Variants in DDHD2 observed in about 807,000 individuals in gnomAD.
DDHD2 encodes DDHD domain containing 2, also known as triacylglycerol hydrolase DDHD2.
Under a neutral mutation model 91.2 loss-of-function variants are expected in DDHD2, and 62 were observed. The observed-to-expected ratio is 0.68, with a 90% CI of 0.55 to 0.84. DDHD2 has a LOEUF of 0.84. Ranked by LOEUF, DDHD2 falls within the 40% of genes least tolerant of loss-of-function variation. The pLI is 0.00. For synonymous variants in DDHD2, 271 were observed against 293.9 expected, an observed-to-expected ratio of 0.92 and a Z score of 0.80; for missense variants, 740 against 846.9, an observed-to-expected ratio of 0.87 and a Z score of 1.57.
rs1429813171 is a variant in DDHD2 at position 38,252,716 on chromosome 8, A to ATGTAGTT, written c.1618-3_1621dup. ...GGTAAATGTAGCTCTTGTTTTTCCT[A>ATGTAGTT]TGTAGTTTGATCCTGTGGCCTATAG... On this transcript the variant is annotated splice_region_variant and splice_polypyrimidine_tract_variant and intron_variant, in intron 13 of 17. Coordinates refer to ENST00000397166, the MANE Select transcript of DDHD2 (RefSeq NM_015214.3). 6.2e-7 allele frequency: 1 copy of ATGTAGTT among 1,606,662 alleles called. No individual in the cohort carries two copies. Among genetic ancestry groups the ATGTAGTT allele is most frequent in the African/African-American group, 1.3e-5 (1 of 74,538 alleles).
rs1585705700 is a variant in DDHD2, at chr8:38,237,616, C to T, written c.490C>T (p.His164Tyr). The change falls in exon 4 of 18, where the codon CAC becomes TAC. Residue 164 changes from histidine (H) to tyrosine (Y), a missense_variant. This residue lies in a region of DDHD2 where 693 missense variants were observed against 764.2 expected (regional missense o/e 0.91). Transcript: ENST00000397166. Reference sequence around the variant, plus strand: ...TCCCAACAGAGAAATTATTATTTTACACAATCCAAAGGTAAAACAAAGCAT... The same window carrying T: ...TCCCAACAGAGAAATTATTATTTTATACAATCCAAAGGTAAAACAAAGCAT... ...ESPNREIIIL[H>Y]NPKLMVHYQP... is the part of the protein sequence containing the mutation. 1 of 1,564,294 alleles carries T rather than the reference C, an allele frequency of 6.4e-7. No individual in the cohort carries two copies. The highest frequency in any genetic ancestry group is 8.7e-7 in the Non-Finnish European group (1 of 1,145,194).
chr8:38,271,484 T>C (rs1808481699), downstream of DDHD2: 2 of 152,130 alleles, frequency 1.3e-5, no homozygotes, highest in African/African-American at 4.8e-5. Flanking sequence ...GATTTCAGTA[T>C]ATACACATTT....
At chr8:38,232,944 C>A (rs905317841) in intron 1 of DDHD2, 43 bp from the exon 2 acceptor site, 1 of 1,460,946 alleles carries the variant, frequency 6.8e-7, no homozygotes, top group Non-Finnish European at 9.5e-7. Flanking sequence ...CGAACAGTTA[C>A]ACAGTTAAGT....
intron 8 of DDHD2, 120 bp from the exon 9 acceptor site, chr8:38,246,113 A>G (rs1366958952): frequency 1.8e-6 from 2 of 1,096,432 alleles, no homozygotes; most frequent in Non-Finnish European, 1.4e-6. Context: ...AATTGGAAAG[A>G]AAGACTCCTT....
chr8:38,269,168 C>A, intron 1 of DDHD2: 1 of 1,509,330 alleles, frequency 6.6e-7, no homozygotes, highest in East Asian at 2.7e-5. Context: ...CACTTCGGCC[C>A]CAAAGGCCAC....
rs943149929 is a variant in DDHD2, at chr8:38,240,785, C to T, written c.712+421C>T. ...AGTATAACTAGATTTTGAAAGGTGT[C>T]CTCTAGGCTGGGTGCGGTGGCTCAC... On this transcript the variant is annotated intron_variant, in intron 6 of 17. Coordinates refer to ENST00000397166, the MANE Select transcript of DDHD2 (RefSeq NM_015214.3). 3.3e-5 allele frequency among the ~76,000 whole-genome samples: 5 copies of T among 152,134 alleles called. No individual in the cohort carries two copies. In the East Asian group the frequency reaches 9.7e-4, roughly 29 times the overall value.
At chr8:38,246,175 C>G (rs1805620225) in intron 8 of DDHD2, 58 bp from the exon 9 acceptor site, 1 of 1,312,844 alleles carries the variant, frequency 7.6e-7, no homozygotes, top group Non-Finnish European at 1.1e-6. Context: ...TTTTGTATAA[C>G]AGAGAGCCAT....
chr8:38,264,658 T>C, downstream of DDHD2: 1 of 1,507,390 alleles, frequency 6.6e-7, no homozygotes, highest in Non-Finnish European at 8.9e-7. Context: ...TAAATCCTAT[T>C]ACATACACAT....
downstream of DDHD2, chr8:38,264,693 G>T (rs1807308779): frequency 7.0e-7 from 1 of 1,436,086 alleles, no homozygotes; most frequent in Admixed American, 2.7e-5. Context: ...GGCCCTCCAG[G>T]ATACTCTACT....
chr8:38,249,214 G>A (rs960416925), intron 10 of DDHD2, among the ~76,000 whole-genome samples: 3 of 151,692 alleles, frequency 2.0e-5, no homozygotes, highest in East Asian at 2.0e-4. Flanking sequence ...CCGGGTTCAC[G>A]CCATTCTCCT....
downstream of DDHD2, chr8:38,266,971 CAT>C (rs1275525458): frequency 2.6e-6 from 3 of 1,146,214 alleles, no homozygotes; most frequent in Non-Finnish European, 2.3e-6. Flanking sequence ...GTACCTGACA[CAT>C]AGAAACTCTT....
intron 13 of DDHD2, 90 bp downstream of exon 13, chr8:38,252,377 T>C: frequency 2.1e-6 from 3 of 1,426,016 alleles, no homozygotes; most frequent in Non-Finnish European, 2.8e-6. Context: ...GATTTTTTTT[T>C]CCTATTCCAT....
At chr8:38,253,792 A>C (rs1313294994) in intron 16 of DDHD2, 74 bp downstream of exon 16, 14 of 1,457,468 alleles carry the variant, frequency 9.6e-6, no homozygotes, top group Non-Finnish European at 1.3e-5. Context: ...TAGAAAAAGG[A>C]GGATAGGCCA....
chr8:38,271,312 G>T (rs1808468298), exon 2 of DDHD2: 1 of 152,108 alleles, frequency 6.6e-6, no homozygotes, highest in Non-Finnish European at 1.5e-5. Flanking sequence ...AGAATCTGAA[G>T]AGTTTCAAGT....
downstream of DDHD2, chr8:38,264,013 A>G: frequency 2.0e-6 from 2 of 986,262 alleles, no homozygotes; most frequent in Non-Finnish European, 2.4e-6. Flanking sequence ...AAAGTGTGTA[A>G]TCATTTGGAG....
intron 1 of DDHD2, chr8:38,268,868 C>A: frequency 6.5e-7 from 1 of 1,544,426 alleles, no homozygotes; most frequent in African/African-American, 1.4e-5. Flanking sequence ...GAAAGACGAT[C>A]TTTCTCCACG....
At chr8:38,272,792 G>A (rs1808514589), downstream of DDHD2, 1 of 152,220 alleles carries the variant, frequency 6.6e-6, no homozygotes, top group African/African-American at 2.4e-5. Context: ...TTCAGACTAT[G>A]AGTGAGCAAT....
At chr8:38,235,391 A>AT (rs1178498441) in intron 3 of DDHD2, among the ~76,000 whole-genome samples, 1 of 152,006 alleles carries the variant, frequency 6.6e-6, no homozygotes, top group Non-Finnish European at 1.5e-5. Flanking sequence ...ATTTTAAAAT[A>AT]CGATGGAAAT....
chr8:38,245,846 C>T lies in DDHD2; in HGVS notation c.953C>T (p.Thr318Ile). The T allele has an allele frequency of 6.2e-7, 1 of 1,614,148 alleles. No homozygotes were observed. The highest frequency in any genetic ancestry group is 8.5e-7 in the Non-Finnish European group (1 of 1,179,974). The change falls in exon 8 of 18, where the codon ACT (threonine) becomes ATT (isoleucine). Residue 318 changes from threonine to isoleucine, a missense_variant. Thr to Ile is a moderately conservative substitution (Grantham distance 89). Transcript: ENST00000397166. ...TACAATAGTCCCACCTACTGTCAGA[C>T]TATTGTGGACACAGTTGCTTCTGAA... ...FFYNSPTYCQ[T>I]IVDTVASEMN...
Sources: gnomAD v4.1 joint callset for allele counts (sites outside exome capture counted in the v4.1 genomes callset) on GRCh38, gnomAD v4.1.1 for gene constraint, gnomAD v4.1.1 regional missense constraint, MANE v1.5 for transcripts, NCBI Gene and HGNC (gene_info 2026-07-23, HGNC 2026-07-21) for gene names.